The following ATXN1 variants were observed in gnomAD, a reference collection of about 807,000 sequenced individuals.
ATXN1 encodes the protein ataxin 1.
A neutral mutation model predicts 56.4 loss-of-function variants in ATXN1; 8 were observed. That is an observed-to-expected ratio of 0.14 (90% CI 0.08 to 0.26). The LOEUF (loss-of-function observed/expected upper bound fraction) is 0.26. Among genes scored for constraint, ATXN1 ranks in the 10% least tolerant of loss-of-function variants. The pLI is 1.00. For missense variants in ATXN1, 987 were observed against 1,106.5 expected, an observed-to-expected ratio of 0.89 and a Z score of 1.53; for synonymous variants, 514 against 494.6, an observed-to-expected ratio of 1.04 and a Z score of -0.52.
chr6:16,359,559 A>T (rs970035619), intron 6 of ATXN1, among the ~76,000 whole-genome samples: 1 of 151,918 alleles, frequency 6.6e-6, no homozygotes, highest in African/African-American at 2.4e-5. Flanking sequence ...TGCTTCAGAG[A>T]CCTGCAGAAT....
intron 4 of ATXN1, among the ~76,000 whole-genome samples, chr6:16,569,106 C>A (rs1240181125): frequency 6.6e-6 from 1 of 152,142 alleles, no homozygotes; most frequent in African/African-American, 2.4e-5. Context: ...TGGTTTCTAG[C>A]GGCAGTATCT....
At chr6:16,612,620 G>A (rs899230566) in intron 3 of ATXN1, among the ~76,000 whole-genome samples, 6 of 152,212 alleles carry the variant, frequency 3.9e-5, no homozygotes, top group South Asian at 2.1e-4. Flanking sequence ...GGTGGGACAC[G>A]GTGGCTCACA....
intron 4 of ATXN1, among the ~76,000 whole-genome samples, chr6:16,582,922 C>T (rs559654152): frequency 6.6e-6 from 1 of 152,234 alleles, no homozygotes; most frequent in Non-Finnish European, 1.5e-5. Context: ...TTACTTGAGG[C>T]CTTCTACCTA....
chr6:16,387,732 T>C (rs1411977821), intron 6 of ATXN1, among the ~76,000 whole-genome samples: 2 of 152,142 alleles, frequency 1.3e-5, no homozygotes, highest in Non-Finnish European at 2.9e-5. Context: ...TGTCTTAGGG[T>C]TCTTCTGTAT....
At chr6:16,612,987 C>T (rs1763138652) in intron 3 of ATXN1, among the ~76,000 whole-genome samples, 4 of 150,674 alleles carry the variant, frequency 2.7e-5, no homozygotes, top group South Asian at 2.1e-4. Flanking sequence ...TTATTTTGGC[C>T]GGGCGCGGTG....
intron 6 of ATXN1, among the ~76,000 whole-genome samples, chr6:16,404,547 C>T (rs111252274): frequency 3.3e-4 from 50 of 152,266 alleles, no homozygotes; most frequent in African/African-American, 1.1e-3. Flanking sequence ...TTTTGACACC[C>T]TTGGGGTTCC....
At chr6:16,378,725 A>T (rs1329313691) in intron 6 of ATXN1, among the ~76,000 whole-genome samples, 1 of 151,702 alleles carries the variant, frequency 6.6e-6, no homozygotes, top group African/African-American at 2.4e-5. Flanking sequence ...CCCCTGGCTA[A>T]TTTTTTAACT....
chr6:16,441,707 G>A (rs546107282), intron 6 of ATXN1, among the ~76,000 whole-genome samples: 60 of 151,980 alleles, frequency 3.9e-4, no homozygotes, highest in Non-Finnish European at 5.4e-4. Flanking sequence ...TGAAGAAAAC[G>A]AAAAAAGAAA....
chr6:16,757,672 T>C (rs1027796697), intron 1 of ATXN1, among the ~76,000 whole-genome samples: 1 of 152,222 alleles, frequency 6.6e-6, no homozygotes, highest in Non-Finnish European at 1.5e-5. Flanking sequence ...GCCATAAAAT[T>C]GTAAACTGAC....
intron 3 of ATXN1, among the ~76,000 whole-genome samples, chr6:16,611,913 G>A (rs1197517640): frequency 1.6e-5 from 2 of 122,128 alleles, no homozygotes; most frequent in African/African-American, 6.1e-5. Context: ...ATTCTGGAGT[G>A]CAGTGGCTCC....
At chr6:16,685,054 C>CACAT (rs1301349149) in intron 2 of ATXN1, among the ~76,000 whole-genome samples, 6 of 152,128 alleles carry the variant, frequency 3.9e-5, no homozygotes, top group African/African-American at 1.2e-4. Flanking sequence ...CATGCACACA[C>CACAT]ACATACACAC....
chr6:16,508,966 A>G (rs1761030605), intron 5 of ATXN1, among the ~76,000 whole-genome samples: 1 of 152,236 alleles, frequency 6.6e-6, no homozygotes, highest in African/African-American at 2.4e-5. Flanking sequence ...ATGTTACAAC[A>G]TGGATGACCT....
At chr6:16,364,452 C>T (rs893125830) in intron 6 of ATXN1, among the ~76,000 whole-genome samples, 65 of 152,042 alleles carry the variant, frequency 4.3e-4, no homozygotes, top group Non-Finnish European at 7.4e-5. Flanking sequence ...TACAGGCACC[C>T]GCCACCACGC....
chr6:16,656,158 G>A (rs1357805010), intron 3 of ATXN1, among the ~76,000 whole-genome samples: 3 of 151,884 alleles, frequency 2.0e-5, no homozygotes, highest in Non-Finnish European at 4.4e-5. Context: ...AGGGCTGGCT[G>A]TCAAATGGGC....
At chr6:16,601,421 A>G (rs1671740559) in intron 3 of ATXN1, among the ~76,000 whole-genome samples, 1 of 152,216 alleles carries the variant, frequency 6.6e-6, no homozygotes, top group Non-Finnish European at 1.5e-5. Context: ...CCTGCTGGAT[A>G]CTTGGTAAGA....
At chr6:16,495,462 C>T (rs540319951) in intron 5 of ATXN1, among the ~76,000 whole-genome samples, 41 of 152,332 alleles carry the variant, frequency 2.7e-4, no homozygotes, top group Admixed American at 8.5e-4. Context: ...ATTAAAAACA[C>T]GACCTTGGAA....
At position 16,402,242 on chromosome 6, in the gene ATXN1, GTTTTTTTTTTTT is replaced by G. The variant is rs58048762; in HGVS notation, c.-160-73784_-160-73773del. On this transcript the variant is annotated intron_variant, in intron 6 of 7. Coordinates refer to ENST00000436367, the MANE Select transcript of ATXN1 (RefSeq NM_001128164.2). ...CAAGACTTCTCGCCAACCACTGACA[GTTTTTTTTTTTT>G]TTTTTTTTTTTTTTTTTTTTTTTTT... Among the ~76,000 whole-genome samples, 295 of 62,108 alleles carry G rather than the reference GTTTTTTTTTTTT, an allele frequency of 4.7e-3. 10 individuals are homozygous for G. The highest frequency in any genetic ancestry group is 9.3e-3 in the South Asian group (16 of 1,716). 40.7% of individuals were successfully genotyped at this position (62,108 alleles called of 152,430 possible).
chr6:16,327,714 C>T lies in ATXN1; in HGVS notation c.597G>A (p.Gln199=). 6.2e-7 allele frequency: 1 copy of T among 1,606,084 alleles called. No individual in the cohort carries two copies. The highest frequency in any genetic ancestry group is 8.5e-7 in the Non-Finnish European group (1 of 1,179,380). Reference sequence around the variant, plus strand: ...GCTGCTGCTGCTGCTGCTGCTGCTGCTGCTGCTGCTCAGCCTTGTGTCCCG... The same window carrying T: ...GCTGCTGCTGCTGCTGCTGCTGCTGTTGCTGCTGCTCAGCCTTGTGTCCCG... The part of the protein sequence containing the change: ...QTPGHKAEQQ[Q]QQQQQQQQQH... The change falls in exon 7 of 8, where the codon CAG becomes CAA. Residue 199 remains glutamine (Q), a synonymous_variant. Transcript: ENST00000436367.
chr6:16,330,336 C>T (rs1760952698), intron 6 of ATXN1, among the ~76,000 whole-genome samples: 1 of 151,914 alleles, frequency 6.6e-6, no homozygotes, highest in Non-Finnish European at 1.5e-5. Context: ...ACTCTGCCCC[C>T]TACTTTGTAA....
Sources: allele counts gnomAD v4.1 joint callset (sites outside exome capture counted in the v4.1 genomes callset), GRCh38; gene constraint gnomAD v4.1.1; transcripts MANE v1.5; gene names NCBI Gene and HGNC (gene_info 2026-07-23, HGNC 2026-07-21).